The following SPOCK3 variants were observed in gnomAD, a reference collection of about 807,000 sequenced individuals.
SPOCK3 encodes SPARC (osteonectin), cwcv and kazal like domains proteoglycan 3.
Under a neutral mutation model 56.6 loss-of-function variants are expected in SPOCK3, and 30 were observed. The ratio of observed to expected loss-of-function variants is 0.53; its 90% CI spans 0.40 to 0.72. The LOEUF is 0.72. Among genes scored for constraint, SPOCK3 ranks in the 30% least tolerant of loss-of-function variants. SPOCK3 has a pLI of 0.00. For missense variants in SPOCK3, 527 were observed against 530.0 expected (o/e 0.99, Z 0.06); for synonymous variants, 196 against 183.3 (o/e 1.07, Z -0.56).
At chr4:166,981,193 C>T (rs919575822) in intron 4 of SPOCK3, among the ~76,000 whole-genome samples, 12 of 151,460 alleles carry the variant, frequency 7.9e-5, no homozygotes, top group African/African-American at 2.2e-4. Context: ...AAGGGCATTC[C>T]GTGAGTGTCC....
At chr4:167,023,051 A>G (rs1199495967) in intron 3 of SPOCK3, among the ~76,000 whole-genome samples, 2 of 152,034 alleles carry the variant, frequency 1.3e-5, no homozygotes, top group African/African-American at 2.4e-5. Context: ...GGTGACATGT[A>G]TAGAGACTAT....
In SPOCK3 at chr4:166,754,591, T is replaced by C; in HGVS notation, c.848A>G (p.Lys283Arg). 6.2e-7 allele frequency: 1 copy of C among 1,613,722 alleles called. No homozygotes were observed. The highest frequency in any genetic ancestry group is 2.2e-5 in the East Asian group (1 of 44,852). ...IYLDKNEQCTKAFFNSCDTYK... is the reference protein window; with the variant it reads ...IYLDKNEQCTRAFFNSCDTYK... ...TGTGTCACAAGAATTGAAGAATGCCTTGGTACACTGTTCATTCTTATCAAG... is the reference window on the plus strand; with the variant it reads ...TGTGTCACAAGAATTGAAGAATGCCCTGGTACACTGTTCATTCTTATCAAG... The change falls in exon 8 of 11, where the codon AAG (lysine) becomes AGG (arginine). Residue 283 changes from lysine (K) to arginine (R), a missense_variant. Transcript: ENST00000357545.
intron 2 of SPOCK3, among the ~76,000 whole-genome samples, chr4:167,155,086 A>G (rs1764706828): frequency 6.6e-6 from 1 of 151,998 alleles, no homozygotes; most frequent in African/African-American, 2.4e-5. Flanking sequence ...TGTATTATAA[A>G]TGTATCATAA....
At chr4:167,126,103 GA>G (rs1247040329) in intron 2 of SPOCK3, among the ~76,000 whole-genome samples, 2 of 152,076 alleles carry the variant, frequency 1.3e-5, no homozygotes, top group African/African-American at 4.8e-5. Flanking sequence ...GCTTAAAAAA[GA>G]AAAGAGTGAA....
At chr4:167,062,777 T>C (rs1755739551) in intron 2 of SPOCK3, 4 of 476,476 alleles carry the variant, frequency 8.4e-6, no homozygotes, top group Non-Finnish European at 1.5e-5. Context: ...AATAAACCTG[T>C]TCATTTTCAT....
At chr4:167,140,825 A>G (rs541219005) in intron 2 of SPOCK3, among the ~76,000 whole-genome samples, 287 of 152,074 alleles carry the variant, frequency 1.9e-3, no homozygotes, top group Non-Finnish European at 3.6e-3. Flanking sequence ...TACCCCTCAC[A>G]GTTGCCTCCA....
At chr4:167,137,032 G>A (rs2150392211) in intron 2 of SPOCK3, among the ~76,000 whole-genome samples, 1 of 152,030 alleles carries the variant, frequency 6.6e-6, no homozygotes, top group East Asian at 1.9e-4. Context: ...TATAATTCTG[G>A]GGTAATAGCT....
intron 3 of SPOCK3, among the ~76,000 whole-genome samples, chr4:167,060,548 T>G (rs539362106): frequency 1.3e-5 from 2 of 152,122 alleles, no homozygotes; most frequent in Non-Finnish European, 2.9e-5. Context: ...ATTTTTATTT[T>G]TTTGATACAA....
intron 2 of SPOCK3, among the ~76,000 whole-genome samples, chr4:167,141,483 T>C (rs1763527540): frequency 6.6e-6 from 1 of 152,050 alleles, no homozygotes; most frequent in African/African-American, 2.4e-5. Flanking sequence ...CAAAATCTGG[T>C]GTCCAATTCA....
At chr4:167,020,365 G>A (rs1364318881) in intron 3 of SPOCK3, among the ~76,000 whole-genome samples, 1 of 152,034 alleles carries the variant, frequency 6.6e-6, no homozygotes, top group African/African-American at 2.4e-5. Flanking sequence ...TGTCTTCAAA[G>A]TTTCTCTATT....
At chr4:166,953,966 G>A (rs558999313) in intron 4 of SPOCK3, among the ~76,000 whole-genome samples, 1 of 152,216 alleles carries the variant, frequency 6.6e-6, no homozygotes. Flanking sequence ...GATAGCATTG[G>A]GAGATATATC....
chr4:167,100,574 C>T (rs1759555416), intron 2 of SPOCK3, among the ~76,000 whole-genome samples: 1 of 151,874 alleles, frequency 6.6e-6, no homozygotes, highest in African/African-American at 2.4e-5. Flanking sequence ...CTCACCCTCC[C>T]ATCTTATCCC....
At chr4:167,039,009 C>A (rs1753012217) in intron 3 of SPOCK3, among the ~76,000 whole-genome samples, 1 of 152,132 alleles carries the variant, frequency 6.6e-6, no homozygotes, top group South Asian at 2.1e-4. Flanking sequence ...TTTATTATGT[C>A]ACATTTATAG....
chr4:166,818,497 G>A (rs1184403269), intron 6 of SPOCK3, among the ~76,000 whole-genome samples: 2 of 151,934 alleles, frequency 1.3e-5, no homozygotes, highest in Admixed American at 6.6e-5. Context: ...ATGATTAAGT[G>A]TAACTTACTT....
rs1026679420 is a variant in SPOCK3, at chr4:166,865,572, T to C, written c.589+23558A>G. Among the ~76,000 whole-genome samples, 3 of 152,152 alleles carry C rather than the reference T, an allele frequency of 2.0e-5. No homozygotes were observed. The East Asian group carries it at 5.8e-4, about 29-fold the overall frequency. Reference sequence around the variant, plus strand: ...AAAACTCCTTAAACTGATAAGCAACTTCAGCAAAGTCTCAGGATAGAAAAC... The same window carrying C: ...AAAACTCCTTAAACTGATAAGCAACCTCAGCAAAGTCTCAGGATAGAAAAC... On this transcript the variant is annotated intron_variant, in intron 6 of 10. Coordinates refer to ENST00000357545, the MANE Select transcript of SPOCK3 (RefSeq NM_001040159.2).
chr4:167,102,324 CT>C (rs1759724442), intron 2 of SPOCK3: 1 of 152,116 alleles, frequency 6.6e-6, no homozygotes, highest in Non-Finnish European at 1.5e-5. Flanking sequence ...ACCAACATGG[CT>C]AAATAGAAGC....
At chr4:167,122,242 G>C (rs912579283) in intron 2 of SPOCK3, among the ~76,000 whole-genome samples, 1 of 151,302 alleles carries the variant, frequency 6.6e-6, no homozygotes, top group African/African-American at 2.4e-5. Flanking sequence ...TACAGATTTG[G>C]CTTCCCTGGG....
At chr4:167,208,114 A>G (rs1407554285) in intron 2 of SPOCK3, among the ~76,000 whole-genome samples, 3 of 152,122 alleles carry the variant, frequency 2.0e-5, no homozygotes, top group African/African-American at 7.2e-5. Context: ...TACTGTGCCA[A>G]TGAAACCTCT....
At chr4:166,854,330 T>A (rs1270262973) in intron 6 of SPOCK3, among the ~76,000 whole-genome samples, 1 of 152,218 alleles carries the variant, frequency 6.6e-6, no homozygotes, top group African/African-American at 2.4e-5. Context: ...TGAATAAATA[T>A]GTGATTTGAT....
Sources: allele counts gnomAD v4.1 joint callset (sites outside exome capture counted in the v4.1 genomes callset), GRCh38; gene constraint gnomAD v4.1.1; transcripts MANE v1.5; gene names NCBI Gene and HGNC (gene_info 2026-07-23, HGNC 2026-07-21).